GDPD5: variants seen among roughly 807,000 people sequenced by gnomAD.
GDPD5 encodes the protein glycerophosphodiester phosphodiesterase domain containing 5.
GDPD5 carries 48 observed loss-of-function variants against 75.1 expected under a neutral mutation model. That is an observed-to-expected ratio of 0.64 (90% CI 0.51 to 0.81). The LOEUF is 0.81. Among genes scored for constraint, GDPD5 ranks in the 40% least tolerant of loss-of-function variants. GDPD5 has a pLI of 0.00. For missense variants in GDPD5, 706 were observed against 822.6 expected (o/e 0.86, Z 1.73); for synonymous variants, 336 against 339.0 (o/e 0.99, Z 0.10).
Position 75,441,711 on chromosome 11 carries a change from G to C in GDPD5, c.1260C>G (p.Ser420Arg). Reference sequence around the variant, plus strand: ...GCCGCTGGATGTGGCCTCTCCGCAGGCTGGCGACTGCCTCCTTGGAGCCTG... The same window carrying C: ...GCCGCTGGATGTGGCCTCTCCGCAGCCTGGCGACTGCCTCCTTGGAGCCTG... ...QTSGSKEAVA[S>R]LRRGHIQRLN... Residue 420 changes from serine (S) to arginine (R), a missense_variant, in exon 13 of 17, where the codon AGC becomes AGG. Transcript: ENST00000336898. 6.2e-7 allele frequency: 1 copy of C among 1,610,872 alleles called. No homozygotes were observed. The highest frequency in any genetic ancestry group is 1.7e-4 in the Middle Eastern group (1 of 5,976).
chr11:75,499,883 G>A (rs1950275075), intron 1 of GDPD5, among the ~76,000 whole-genome samples: 1 of 152,170 alleles, frequency 6.6e-6, no homozygotes, highest in South Asian at 2.1e-4. Context: ...GCCCAGCCCT[G>A]AGCTTCAACT....
At position 75,477,740 on chromosome 11, in the gene GDPD5, G is replaced by A. The variant is rs765790778; in HGVS notation, c.-5C>T. 8.0e-5 allele frequency: 124 copies of A among 1,555,848 alleles called. 2 individuals are homozygous for A. In the South Asian group the frequency reaches 9.4e-4, roughly 12 times the overall value. On this transcript the variant is annotated 5_prime_UTR_variant, in exon 3 of 17. The change creates a new upstream start codon in the 5' untranslated region. Coordinates refer to ENST00000336898, the MANE Select transcript of GDPD5 (RefSeq NM_030792.8). ...CAGGGGCTGGTGTCTCACCATACTCGTGCCCACGGCCCTGGCGCCTGGCCC... is the reference window on the plus strand; with the variant it reads ...CAGGGGCTGGTGTCTCACCATACTCATGCCCACGGCCCTGGCGCCTGGCCC...
intron 1 of GDPD5, among the ~76,000 whole-genome samples, chr11:75,510,036 C>G (rs531247904): frequency 2.0e-5 from 3 of 152,236 alleles, no homozygotes; most frequent in African/African-American, 7.2e-5. Context: ...CTGCAGCATG[C>G]GCTCAATGCC....
At chr11:75,439,028 G>A (rs1323646246) in intron 15 of GDPD5, among the ~76,000 whole-genome samples, 1 of 152,036 alleles carries the variant, frequency 6.6e-6, no homozygotes, top group Non-Finnish European at 1.5e-5. Flanking sequence ...GGGTACCCAG[G>A]CAGGGTCCCC....
chr11:75,441,860 C>T, intron 12 of GDPD5, 57 bp from the exon 13 acceptor site: 1 of 1,498,190 alleles, frequency 6.7e-7, no homozygotes, highest in Non-Finnish European at 9.0e-7. Flanking sequence ...CGTAAGAGTA[C>T]CTACTCCTCC....
rs1241753276 is a variant in GDPD5 at position 75,449,608 on chromosome 11, G to A, written c.477C>T (p.Gly159=). The part of the protein sequence containing the change: ...EWEVLLISLQ[G]TAPFLHVGAV... ...CCCCCACATGCAGGAATGGCGCTGT[G>A]CCCTGTTTGCAGGGAGAGGGAAGGG... Residue 159 remains glycine, a splice_region_variant and synonymous_variant, in exon 8 of 17, where the codon GGC becomes GGT. Coordinates refer to ENST00000336898, the MANE Select transcript of GDPD5 (RefSeq NM_030792.8). 1.3e-6 allele frequency: 2 copies of A among 1,573,810 alleles called. No homozygotes were observed. Among genetic ancestry groups the A allele is most frequent in the Non-Finnish European group, 8.6e-7 (1 of 1,159,464 alleles).
At chr11:75,446,976 C>A (rs1483870906) in intron 9 of GDPD5, among the ~76,000 whole-genome samples, 1 of 152,046 alleles carries the variant, frequency 6.6e-6, no homozygotes, top group Non-Finnish European at 1.5e-5. Flanking sequence ...CTCCGCCTCC[C>A]GGATTCAAGC....
intron 4 of GDPD5, among the ~76,000 whole-genome samples, chr11:75,460,549 A>C (rs7128197): frequency 0.057 from 8,678 of 152,102 alleles, 364 homozygotes; most frequent in East Asian, 0.13. Context: ...GGCTCAAGCA[A>C]TCTTCCCACC....
At chr11:75,487,811 C>T (rs1404059958) in intron 2 of GDPD5, among the ~76,000 whole-genome samples, 1 of 152,174 alleles carries the variant, frequency 6.6e-6, no homozygotes, top group Non-Finnish European at 1.5e-5. Context: ...CCAAAAGTGA[C>T]CTGGCCTTGC....
At chr11:75,508,606 C>A (rs1466666614) in intron 1 of GDPD5, among the ~76,000 whole-genome samples, 1 of 152,198 alleles carries the variant, frequency 6.6e-6, no homozygotes, top group Non-Finnish European at 1.5e-5. Context: ...CGTTTGTTCA[C>A]TGGGATCTTA....
At chr11:75,523,460 C>T (rs1186400687) in intron 1 of GDPD5, among the ~76,000 whole-genome samples, 4 of 152,180 alleles carry the variant, frequency 2.6e-5, no homozygotes, top group East Asian at 1.9e-4. Flanking sequence ...GAGACTGGGC[C>T]ATTAATAACC....
At chr11:75,452,143 C>A (rs1421758466) in intron 6 of GDPD5, 2 of 152,270 alleles carry the variant, frequency 1.3e-5, no homozygotes, top group Non-Finnish European at 2.9e-5. Context: ...GAGGTGGAAC[C>A]CCGCCTTGCA....
chr11:75,458,937 A>AC (rs966374106), intron 4 of GDPD5, among the ~76,000 whole-genome samples: 5 of 151,342 alleles, frequency 3.3e-5, no homozygotes, highest in Non-Finnish European at 7.4e-5. Flanking sequence ...TATCGGGCTA[A>AC]TTTTTTTTGT....
intron 13 of GDPD5, 48 bp from the exon 14 acceptor site, chr11:75,441,358 C>T: frequency 6.2e-7 from 1 of 1,609,966 alleles, no homozygotes; most frequent in South Asian, 1.1e-5. Flanking sequence ...CTGGCAGCTC[C>T]AGGCCCAGTG....
At chr11:75,491,834 C>T (rs1415115452) in intron 1 of GDPD5, among the ~76,000 whole-genome samples, 1 of 152,164 alleles carries the variant, frequency 6.6e-6, no homozygotes, top group Non-Finnish European at 1.5e-5. Context: ...GAAGTGAACA[C>T]ACTCAGCAAG....
In GDPD5 at chr11:75,435,105, C is replaced by A. The variant is rs1364729229; in HGVS notation, c.*402G>T. 2 of 159,958 alleles carry A rather than the reference C, an allele frequency of 1.3e-5. No individual in the cohort carries two copies. The highest frequency in any genetic ancestry group is 1.3e-4 in the Admixed American group (2 of 15,550). The allele number at this position is 159,958 out of a possible 1,614,324, so 9.9% of individuals were successfully genotyped here. ...CTTGGGGCAGGATAACAGCAGAGAA[C>A]TCAGGTGCCTCCTGGCACAGACAGG... On this transcript the variant is annotated 3_prime_UTR_variant, in exon 17 of 17. Transcript: ENST00000336898.
intron 4 of GDPD5, among the ~76,000 whole-genome samples, chr11:75,459,807 C>CAAAA (rs767929482): frequency 1.3e-5 from 1 of 75,644 alleles, no homozygotes; most frequent in East Asian, 3.7e-4. Context: ...GAGACTGTCT[C>CAAAA]AAAAAAAAAA....
chr11:75,467,421 G>T (rs2135321017), intron 3 of GDPD5, among the ~76,000 whole-genome samples: 1 of 152,314 alleles, frequency 6.6e-6, no homozygotes, highest in Admixed American at 6.5e-5. Flanking sequence ...CGGGCACAAG[G>T]TGGTGGTCAC....
At chr11:75,475,720 C>G (rs1949764393) in intron 3 of GDPD5, among the ~76,000 whole-genome samples, 1 of 152,170 alleles carries the variant, frequency 6.6e-6, no homozygotes, top group Non-Finnish European at 1.5e-5. Context: ...GAGGTGAGCT[C>G]AGCCCTTTCT....
Sources: allele counts gnomAD v4.1 joint callset (sites outside exome capture counted in the v4.1 genomes callset), GRCh38; gene constraint gnomAD v4.1.1; transcripts MANE v1.5; gene names NCBI Gene and HGNC (gene_info 2026-07-23, HGNC 2026-07-21).